EPB41L2: variants seen among roughly 807,000 people sequenced by gnomAD.
EPB41L2 encodes erythrocyte membrane protein band 4.1 like 2, also known as band 4.1-like protein 2.
Under a neutral mutation model 113.0 loss-of-function variants are expected in EPB41L2, and 43 were observed. The ratio of observed to expected loss-of-function variants is 0.38; its 90% CI spans 0.30 to 0.49. The LOEUF (loss-of-function observed/expected upper bound fraction) is 0.49. EPB41L2 is among the 20% of genes least tolerant of loss of function. The pLI is 0.95. For missense variants in EPB41L2, 1,147 were observed against 1,223.4 expected (o/e 0.94, Z 0.93); for synonymous variants, 442 against 436.7 (o/e 1.01, Z -0.15).
At chr6:131,012,802 T>C (rs1392887587) in intron 1 of EPB41L2, among the ~76,000 whole-genome samples, 1 of 152,186 alleles carries the variant, frequency 6.6e-6, no homozygotes, top group Non-Finnish European at 1.5e-5. Context: ...TGCTCAGGCA[T>C]GGCGGAAGTG....
At chr6:130,876,746 A>G (rs1352686504) in intron 14 of EPB41L2, 1 of 1,304,062 alleles carries the variant, frequency 7.7e-7, no homozygotes, top group African/African-American at 1.5e-5. Flanking sequence ...TCACGGATAA[A>G]ATATCCTTGA....
intron 14 of EPB41L2, among the ~76,000 whole-genome samples, chr6:130,870,856 T>C (rs938523481): frequency 6.6e-6 from 1 of 152,100 alleles, no homozygotes; most frequent in African/African-American, 2.4e-5. Context: ...GGCAAAATTA[T>C]AGTTAGCCTC....
At chr6:130,929,855 AGT>A (rs1491154042) in intron 3 of EPB41L2, among the ~76,000 whole-genome samples, 5 of 127,100 alleles carry the variant, frequency 3.9e-5, no homozygotes, top group African/African-American at 9.3e-5. Context: ...CAAGACAGAC[AGT>A]CACACACACA....
At chr6:130,992,983 A>C (rs1376929263) in intron 1 of EPB41L2, among the ~76,000 whole-genome samples, 4 of 152,144 alleles carry the variant, frequency 2.6e-5, no homozygotes, top group African/African-American at 9.7e-5. Context: ...CAGTCTTCTT[A>C]CTCACCTTTG....
At chr6:130,865,844 G>A in intron 16 of EPB41L2, 1 of 534,572 alleles carries the variant, frequency 1.9e-6, no homozygotes, top group Middle Eastern at 4.9e-4. Context: ...TCAACTGTGT[G>A]AGTGGAGAAA....
intron 9 of EPB41L2, among the ~76,000 whole-genome samples, 161 bp downstream of exon 9, chr6:130,894,803 ACGT>A (rs1794096070): frequency 6.6e-6 from 1 of 152,190 alleles, no homozygotes; most frequent in African/African-American, 2.4e-5. Context: ...AACAGACCAG[ACGT>A]ATATATACTG....
intron 4 of EPB41L2, among the ~76,000 whole-genome samples, chr6:130,925,405 T>C (rs1312908646): frequency 6.6e-6 from 1 of 152,068 alleles, no homozygotes; most frequent in Non-Finnish European, 1.5e-5. Context: ...GCCAGGCTGG[T>C]CTTGAACTCC....
chr6:130,930,260 T>C (rs932109816), intron 3 of EPB41L2, among the ~76,000 whole-genome samples: 1 of 152,172 alleles, frequency 6.6e-6, no homozygotes, highest in Non-Finnish European at 1.5e-5. Context: ...CATTTACTAA[T>C]GTATTCTACA....
At chr6:131,061,139 TAA>T (rs557253976) in intron 1 of EPB41L2, among the ~76,000 whole-genome samples, 51 of 152,306 alleles carry the variant, frequency 3.3e-4, no homozygotes, top group Non-Finnish European at 6.3e-4. Flanking sequence ...CTGTTATGAC[TAA>T]GTCTTTCTTA....
At chr6:130,849,689 C>G (rs1481351813) in intron 19 of EPB41L2, among the ~76,000 whole-genome samples, 1 of 152,124 alleles carries the variant, frequency 6.6e-6, no homozygotes, top group East Asian at 1.9e-4. Flanking sequence ...TGTGTCTGTC[C>G]CTGTGTGTAG....
chr6:131,053,825 C>G lies in EPB41L2; in HGVS notation c.-15+9330G>C, dbSNP rs76720662. Among the ~76,000 whole-genome samples the G allele has an allele frequency of 1.4e-3, 206 of 152,342 alleles. 7 individuals carry two copies. The East Asian group carries it at 0.037, about 27-fold the overall frequency. ...TAACCCTCATTCTTTCGACCTCCAA[C>G]GTTTCTCCCTTTTTGTTTTTTAATT... On this transcript the variant is annotated intron_variant, in intron 1 of 19. Coordinates refer to ENST00000337057, the MANE Select transcript of EPB41L2 (RefSeq NM_001431.4).
intron 1 of EPB41L2, chr6:130,970,523 T>C (rs1043106513): frequency 1.3e-5 from 2 of 152,230 alleles, no homozygotes; most frequent in African/African-American, 4.8e-5. Context: ...CTGCCTGTTT[T>C]ACCCACTGAA....
At chr6:131,019,501 T>C (rs544162974) in intron 1 of EPB41L2, among the ~76,000 whole-genome samples, 1 of 152,340 alleles carries the variant, frequency 6.6e-6, no homozygotes, top group South Asian at 2.1e-4. Context: ...AAATCTGTGC[T>C]ATTATCATAT....
chr6:131,029,394 A>ATT lies in EPB41L2; in HGVS notation c.-15+33760_-15+33761insAA, dbSNP rs1562765020. The stretch of plus-strand genomic sequence containing the variant: ...CCACCCTACTTCAGCATTTGTTTAA[A>ATT]AAAAAAAAAAAAAAAAAAAAGCATG... On this transcript the variant is annotated intron_variant, in intron 1 of 19. Transcript: ENST00000337057. 1.0e-3 allele frequency among the ~76,000 whole-genome samples: 146 copies of ATT among 146,076 alleles called. 2 individuals are homozygous for ATT. Among genetic ancestry groups the ATT allele is most frequent in the South Asian group, 4.5e-3 (21 of 4,644 alleles).
At chr6:130,910,419 C>T (rs1799007102) in intron 4 of EPB41L2, among the ~76,000 whole-genome samples, 1 of 152,066 alleles carries the variant, frequency 6.6e-6, no homozygotes, top group Non-Finnish European at 1.5e-5. Context: ...AAAACCATAA[C>T]AATCCTAGAA....
intron 3 of EPB41L2, among the ~76,000 whole-genome samples, chr6:130,946,669 A>T (rs923477496): frequency 1.3e-5 from 2 of 152,100 alleles, no homozygotes; most frequent in African/African-American, 4.8e-5. Context: ...ATACATGGGG[A>T]TATAGACACA....
In EPB41L2 at chr6:130,880,159, G is replaced by T; in HGVS notation, c.1881C>A (p.Ser627Arg). ...VEGDNIYVRH[S>R]NLMLEELDKA... is the part of the protein sequence containing the mutation. ...TTATACAAACCTCCAACATTAAATT[G>T]CTATGTCTGACATAAATATTATCCC... The change falls in exon 13 of 20, where the codon AGC becomes AGA. Residue 627 changes from serine to arginine, a missense_variant. Ser to Arg is a moderately radical substitution (Grantham distance 110). Transcript: ENST00000337057. 6.2e-7 allele frequency: 1 copy of T among 1,607,740 alleles called. No individual in the cohort carries two copies. Among genetic ancestry groups the T allele is most frequent in the Non-Finnish European group, 8.5e-7 (1 of 1,174,344 alleles).
At chr6:130,980,455 C>T (rs1169594172) in intron 1 of EPB41L2, among the ~76,000 whole-genome samples, 2 of 151,704 alleles carry the variant, frequency 1.3e-5, no homozygotes, top group Non-Finnish European at 2.9e-5. Context: ...AAGAGTTTAA[C>T]CTTCAATAGC....
intron 2 of EPB41L2, 145 bp from the exon 3 acceptor site, chr6:130,955,462 T>A: frequency 7.2e-6 from 6 of 838,146 alleles, no homozygotes; most frequent in Non-Finnish European, 1.1e-5. Flanking sequence ...AAAATTCCAA[T>A]AGAAAGGATA....
Sources: allele counts gnomAD v4.1 joint callset (sites outside exome capture counted in the v4.1 genomes callset), GRCh38; gene constraint gnomAD v4.1.1; transcripts MANE v1.5; gene names NCBI Gene and HGNC (gene_info 2026-07-23, HGNC 2026-07-21).